Variants in CBR4 observed in about 807,000 individuals in gnomAD.
CBR4 encodes the protein carbonyl reductase 4, also known as 3-oxoacyl-[acyl-carrier-protein] reductase.
A neutral mutation model predicts 21.0 loss-of-function variants in CBR4; 22 were observed. The ratio of observed to expected loss-of-function variants is 1.05; its 90% CI spans 0.75 to 1.50. The LOEUF is 1.50. Ranked by LOEUF, CBR4 falls within the 40% of genes most tolerant of loss-of-function variation. The pLI is 0.00. For synonymous variants in CBR4, 100 were observed against 104.4 expected, an observed-to-expected ratio of 0.96 and a Z score of 0.26; for missense variants, 302 against 286.3, an observed-to-expected ratio of 1.05 and a Z score of -0.40.
At chr4:168,907,141 T>C (rs1262289739) in intron 2 of CBR4, among the ~76,000 whole-genome samples, 2 of 151,814 alleles carry the variant, frequency 1.3e-5, no homozygotes, top group East Asian at 1.9e-4. Flanking sequence ...ATAATAATAA[T>C]ACAGATTTAA....
intron 2 of CBR4, among the ~76,000 whole-genome samples, chr4:168,979,500 G>C (rs116784602): frequency 6.6e-6 from 1 of 152,092 alleles, no homozygotes; most frequent in Non-Finnish European, 1.5e-5. Context: ...TCAGTCAGTG[G>C]CAGCTCTGTG....
At chr4:168,977,492 C>CAAT (rs1647229777) in intron 2 of CBR4, among the ~76,000 whole-genome samples, 1 of 152,180 alleles carries the variant, frequency 6.6e-6, no homozygotes, top group Non-Finnish European at 1.5e-5. Context: ...CAGTGCCTGA[C>CAAT]AATAGTAAAT....
intron 2 of CBR4, among the ~76,000 whole-genome samples, chr4:168,937,331 C>G (rs553737363): frequency 2.8e-4 from 42 of 152,234 alleles, no homozygotes; most frequent in South Asian, 8.3e-4. Context: ...TGGAAAGGAA[C>G]AATTGGTCCC....
chr4:169,002,048 A>G, intron 4 of CBR4, 23 bp downstream of exon 4: 1 of 1,528,516 alleles, frequency 6.5e-7, no homozygotes, highest in Non-Finnish European at 8.8e-7. Context: ...TAATCAAGTT[A>G]TTTTAATAAA....
At chr4:168,920,402 T>G (rs1228631232) in intron 2 of CBR4, among the ~76,000 whole-genome samples, 1 of 152,216 alleles carries the variant, frequency 6.6e-6, no homozygotes, top group East Asian at 1.9e-4. Flanking sequence ...GAATGGAATT[T>G]GTGAGTCCTC....
intron 2 of CBR4, among the ~76,000 whole-genome samples, chr4:168,965,344 T>G (rs1401241208): frequency 6.6e-6 from 1 of 152,144 alleles, no homozygotes; most frequent in Non-Finnish European, 1.5e-5. Context: ...TTTATAGATT[T>G]AATGCTATCC....
intron 2 of CBR4, chr4:168,925,363 C>T: frequency 9.8e-7 from 1 of 1,015,386 alleles, no homozygotes; most frequent in South Asian, 1.3e-5. Context: ...CTTCCTTACT[C>T]AAGCATCCTT....
intron 2 of CBR4, among the ~76,000 whole-genome samples, chr4:168,971,316 T>C (rs1764200045): frequency 6.6e-6 from 1 of 152,106 alleles, no homozygotes; most frequent in African/African-American, 2.4e-5. Flanking sequence ...TCACCCAGGC[T>C]GGAGTGCAGT....
chr4:168,952,656 G>A (rs1424901119), intron 2 of CBR4, among the ~76,000 whole-genome samples: 1 of 152,172 alleles, frequency 6.6e-6, no homozygotes, highest in Non-Finnish European at 1.5e-5. Context: ...GTGGCTTCCT[G>A]AGAGCCGAGC....
intron 2 of CBR4, among the ~76,000 whole-genome samples, chr4:168,969,017 C>A (rs1221572662): frequency 6.6e-6 from 1 of 152,208 alleles, no homozygotes; most frequent in Non-Finnish European, 1.5e-5. Flanking sequence ...TGGGCCAGCA[C>A]TCCATTCATT....
At chr4:168,998,680 G>T (rs1765321907) in intron 4 of CBR4, among the ~76,000 whole-genome samples, 1 of 152,092 alleles carries the variant, frequency 6.6e-6, no homozygotes, top group East Asian at 1.9e-4. Context: ...TGAATTGTAT[G>T]GTATGTGAAT....
chr4:168,946,216 A>G (rs1223624170), intron 2 of CBR4, among the ~76,000 whole-genome samples: 6 of 152,166 alleles, frequency 3.9e-5, no homozygotes, highest in African/African-American at 4.8e-5. Flanking sequence ...TGGGTTCCAG[A>G]ATGCTGCTAG....
At chr4:168,898,823 A>G (rs967295225) in intron 2 of CBR4, 19 of 782,312 alleles carry the variant, frequency 2.4e-5, no homozygotes, top group Non-Finnish European at 3.8e-5. Flanking sequence ...CTTTCTCAAT[A>G]CCCACGATAT....
chr4:168,895,731 A>G (rs1393942593), intron 2 of CBR4, among the ~76,000 whole-genome samples: 1 of 152,224 alleles, frequency 6.6e-6, no homozygotes, highest in African/African-American at 2.4e-5. Context: ...TCCATATATA[A>G]GTGGACCCAT....
At chr4:168,926,225 A>G in intron 2 of CBR4, 1 of 1,533,876 alleles carries the variant, frequency 6.5e-7, no homozygotes, top group African/African-American at 1.4e-5. Flanking sequence ...CAGTGGCATC[A>G]GCAGTCACAG....
chr4:168,973,184 T>C (rs1210345499), intron 2 of CBR4, among the ~76,000 whole-genome samples: 2 of 152,230 alleles, frequency 1.3e-5, no homozygotes, highest in Non-Finnish European at 2.9e-5. Flanking sequence ...TAGTATTTTG[T>C]TGTGGAGTTT....
rs67561290 is a variant in CBR4, at chr4:168,977,370, T to A, written n.169+24701A>T. 7.6e-3 allele frequency among the ~76,000 whole-genome samples: 1,162 copies of A among 152,216 alleles called. 18 individuals carry two copies. The highest frequency in any genetic ancestry group is 0.026 in the African/African-American group (1,084 of 41,476). On this transcript the variant is annotated intron_variant and non_coding_transcript_variant, in intron 2 of 3. Coordinates refer to the CBR4 transcript ENST00000509108. ...ACTCAGCTTTCTCCTGATTTTCTAC[T>A]TACTGCTCCAACTAGTCCTTCTTAG... is the stretch of plus-strand genomic sequence containing the variant.
At chr4:168,929,652 G>T (rs1168353188) in intron 2 of CBR4, among the ~76,000 whole-genome samples, 1 of 152,080 alleles carries the variant, frequency 6.6e-6, no homozygotes, top group African/African-American at 2.4e-5. Flanking sequence ...TGTTGGAGTT[G>T]GCCAACCAGG....
At chr4:169,003,639 G>A (rs188770193) in intron 3 of CBR4, among the ~76,000 whole-genome samples, 4 of 152,306 alleles carry the variant, frequency 2.6e-5, no homozygotes, top group African/African-American at 9.6e-5. Context: ...AATCTCTCAC[G>A]AAATGAAGAG....
Sources: allele counts gnomAD v4.1 joint callset (sites outside exome capture counted in the v4.1 genomes callset), GRCh38; gene constraint gnomAD v4.1.1; transcripts MANE v1.5; gene names NCBI Gene and HGNC (gene_info 2026-07-23, HGNC 2026-07-21).